Variants in NUP62CL observed in about 807,000 individuals in gnomAD.
The protein encoded by NUP62CL is nucleoporin 62 C-terminal like, also known as nucleoporin-62 C-terminal-like protein.
In NUP62CL, 13 loss-of-function variants were observed where a neutral mutation model predicts 15.3. The observed-to-expected ratio is 0.85, with a 90% CI of 0.55 to 1.35. The LOEUF is 1.35. NUP62CL is among the 40% of genes most tolerant of loss of function. The pLI is 0.00. For synonymous variants in NUP62CL, 54 were observed against 49.2 expected, an observed-to-expected ratio of 1.10 and a Z score of -0.41; for missense variants, 123 against 130.6, an observed-to-expected ratio of 0.94 and a Z score of 0.28.
intron 8 of NUP62CL, among the ~76,000 whole-genome samples, chrX:107,139,821 C>T (rs1014628670): frequency 9.0e-6 from 1 of 111,320 alleles, no homozygotes; most frequent in Non-Finnish European, 1.9e-5. Context: ...CATTCAGAAA[C>T]GGAGGAAGGG....
At chrX:107,140,374 G>A (rs761440787) in intron 8 of NUP62CL, among the ~76,000 whole-genome samples, 13 of 111,311 alleles carry the variant, frequency 1.2e-4, no homozygotes, top group Non-Finnish European at 2.3e-4. Context: ...CAAGGCAGAG[G>A]TGCCATTAAT....
chrX:107,166,549 A>G (rs1926519855), intron 4 of NUP62CL, among the ~76,000 whole-genome samples: 1 of 111,560 alleles, frequency 9.0e-6, no homozygotes. Flanking sequence ...CCACCATACC[A>G]CCCGACAACT....
chrX:107,131,851 G>C (rs1925526591), intron 8 of NUP62CL: 5 of 1,031,268 alleles, frequency 4.8e-6, no homozygotes, highest in Non-Finnish European at 5.5e-6. Context: ...TGGGACCTGT[G>C]TTATATTTGA....
chrX:107,140,169 G>A (rs1925733808), intron 8 of NUP62CL, among the ~76,000 whole-genome samples: 1 of 111,626 alleles, frequency 9.0e-6, no homozygotes, highest in Non-Finnish European at 1.9e-5. Context: ...GATGGTGAAA[G>A]CATCCTGAAT....
chrX:107,155,479 T>C (rs1217528831), intron 4 of NUP62CL, among the ~76,000 whole-genome samples: 1 of 111,265 alleles, frequency 9.0e-6, no homozygotes, highest in Non-Finnish European at 1.9e-5. Context: ...GTCAATAAAG[T>C]GGTAGCATGC....
intron 4 of NUP62CL, among the ~76,000 whole-genome samples, chrX:107,158,911 G>A (rs1272676045): frequency 2.9e-5 from 2 of 69,053 alleles, no homozygotes; most frequent in Admixed American, 1.6e-4. Flanking sequence ...AAAGAGAGAA[G>A]AATCAAATAT....
At chrX:107,136,735 T>C (rs762482910) in intron 8 of NUP62CL, among the ~76,000 whole-genome samples, 42 of 112,514 alleles carry the variant, frequency 3.7e-4, no homozygotes, top group African/African-American at 1.4e-3. Flanking sequence ...CCAAGTAGAA[T>C]TTATTCCACA....
intron 7 of NUP62CL, chrX:107,150,750 C>T: frequency 6.9e-6 from 2 of 290,109 alleles, no homozygotes; most frequent in South Asian, 3.4e-5. Flanking sequence ...TCTCTTGCCT[C>T]GGCCTACCGA....
At chrX:107,179,995 T>A (rs1167842171) in intron 2 of NUP62CL, among the ~76,000 whole-genome samples, 1 of 112,193 alleles carries the variant, frequency 8.9e-6, no homozygotes, top group Non-Finnish European at 1.9e-5. Context: ...TGTCTCTATA[T>A]AATAGTCTAT....
chrX:107,165,835 A>G (rs1926505124), intron 4 of NUP62CL, among the ~76,000 whole-genome samples: 2 of 112,121 alleles, frequency 1.8e-5, no homozygotes, highest in Admixed American at 9.5e-5. Flanking sequence ...GATGTTGGAA[A>G]AACTCGACAT....
chrX:107,180,697 G>A (rs908012149), intron 2 of NUP62CL, among the ~76,000 whole-genome samples: 4 of 110,879 alleles, frequency 3.6e-5, no homozygotes, highest in Admixed American at 2.9e-4. Context: ...AAAGACATAC[G>A]CAATTACAGT....
intron 2 of NUP62CL, among the ~76,000 whole-genome samples, chrX:107,175,609 A>G (rs868448794): frequency 1.7e-4 from 19 of 111,789 alleles, no homozygotes; most frequent in Middle Eastern, 4.6e-3. Flanking sequence ...ATGAAGAAAC[A>G]TTTATTCAAG....
chrX:107,188,910 C>T (rs1352422927), intron 2 of NUP62CL, among the ~76,000 whole-genome samples: 2 of 111,600 alleles, frequency 1.8e-5, no homozygotes, highest in Non-Finnish European at 1.9e-5. Context: ...AAACAGCATT[C>T]TGTCTTTTGT....
chrX:107,130,284 T>C (rs1365040599), intron 8 of NUP62CL, among the ~76,000 whole-genome samples: 1 of 111,521 alleles, frequency 9.0e-6, no homozygotes, highest in East Asian at 2.8e-4. Context: ...AAAAACACAA[T>C]GAAAAGTTCA....
chrX:107,146,537 G>C (rs1033119572), intron 8 of NUP62CL, among the ~76,000 whole-genome samples: 2 of 111,825 alleles, frequency 1.8e-5, no homozygotes, highest in Non-Finnish European at 3.8e-5. Context: ...TGAGCTTAAT[G>C]AAAGTGTTCT....
intron 1 of NUP62CL, among the ~76,000 whole-genome samples, chrX:107,200,667 G>C (rs1927461648): frequency 1.9e-5 from 2 of 107,993 alleles, no homozygotes; most frequent in African/African-American, 6.7e-5. Flanking sequence ...GAGGAGCTGA[G>C]AAGGACCCAA....
rs373592209 is a variant in NUP62CL at position 107,153,227 on chromosome X, G to A, written c.475C>T (p.Arg159Cys). The A allele has an allele frequency of 1.2e-5, 15 of 1,205,355 alleles. No homozygotes were observed. The South Asian group carries it at 1.4e-4, about 11-fold the overall frequency. ...AGATAATGAAGTCCACTCTGGTCAC[G>A]CGTAGACTCCTCTAAATAAGTCAAC... ...FLLTYLEESTRDQSGLHYLQD... is the reference protein window; with the variant it reads ...FLLTYLEESTCDQSGLHYLQD... The change falls in exon 7 of 9, where the codon CGT (arginine) becomes TGT (cysteine). Residue 159 changes from arginine (R) to cysteine (C), a missense_variant. Coordinates refer to ENST00000372466, the MANE Select transcript of NUP62CL (RefSeq NM_017681.3).
intron 1 of NUP62CL, among the ~76,000 whole-genome samples, chrX:107,205,544 AAAG>A (rs751263847): frequency 4.5e-5 from 5 of 111,108 alleles, no homozygotes; most frequent in Non-Finnish European, 7.5e-5. Flanking sequence ...TGGTATATAG[AAAG>A]AAGGGAAGCA....
In NUP62CL at chrX:107,160,806, C is replaced by T. The variant is rs748764487; in HGVS notation, c.195-6560G>A. On this transcript the variant is annotated intron_variant, in intron 4 of 8. Transcript: ENST00000372466. ...GGGATCTAATTAAACTAAAGAGCTT[C>T]TGCACAGTGGGGGAAACTACCATCA... Among the ~76,000 whole-genome samples, 5 of 111,276 alleles carry T rather than the reference C, an allele frequency of 4.5e-5. No homozygotes were observed. The South Asian group carries it at 1.9e-3, about 43-fold the overall frequency.
Sources: gnomAD v4.1 joint callset for allele counts (sites outside exome capture counted in the v4.1 genomes callset) on GRCh38, gnomAD v4.1.1 for gene constraint, MANE v1.5 for transcripts, NCBI Gene and HGNC (gene_info 2026-07-23, HGNC 2026-07-21) for gene names.